Variants in OTULIN observed in about 807,000 individuals in gnomAD.
OTULIN encodes the protein ubiquitin thioesterase otulin.
OTULIN carries 15 observed loss-of-function variants against 39.6 expected under a neutral mutation model. That is an observed-to-expected ratio of 0.38 (90% CI 0.25 to 0.58). The LOEUF is 0.58. OTULIN is among the 20% of genes least tolerant of loss of function. The pLI is 0.66. For synonymous variants in OTULIN, 156 were observed against 170.3 expected (o/e 0.92, Z 0.65); for missense variants, 319 against 445.9 (o/e 0.72, Z 2.56).
intron 2 of OTULIN, among the ~76,000 whole-genome samples, chr5:14,674,778 T>C (rs1736064254): frequency 6.6e-6 from 1 of 152,046 alleles, no homozygotes; most frequent in Non-Finnish European, 1.5e-5. Flanking sequence ...AATAAAAATA[T>C]AAACCTTATT....
chr5:14,704,887 A>G, the OTULIN span: 1 of 152,220 alleles, frequency 6.6e-6, no homozygotes, highest in East Asian at 1.9e-4. Flanking sequence ...AAATCCATAA[A>G]CCCTGAAACA....
rs1202347291 is a variant in OTULIN, at chr5:14,690,427, T to C, written c.864+119T>C. ...GACAGCTTAGTTGGATGGTTCTGGCTCAGGATGTCATGAGGCTGCAGTTGT... is the reference window on the plus strand; with the variant it reads ...GACAGCTTAGTTGGATGGTTCTGGCCCAGGATGTCATGAGGCTGCAGTTGT... On this transcript the variant is annotated intron_variant, in intron 6 of 6. Coordinates refer to ENST00000284274, the MANE Select transcript of OTULIN (RefSeq NM_138348.6). The surrounding 1 kb of genome is among the most constrained non-coding windows in gnomAD (Gnocchi z 4.5). 4 of 1,232,288 alleles carry C rather than the reference T, an allele frequency of 3.2e-6. No homozygotes were observed. The highest frequency in any genetic ancestry group is 2.2e-4 in the Middle Eastern group (1 of 4,478). 76.3% of individuals were successfully genotyped at this position (1,232,288 alleles called of 1,614,324 possible).
At position 14,674,209 on chromosome 5, in the gene OTULIN, A is replaced by G. The variant is rs58155328; in HGVS notation, c.229+491A>G. 4.8e-3 allele frequency: 734 copies of G among 153,914 alleles called. 18 individuals are homozygous for G. The highest frequency in any genetic ancestry group is 0.036 in the East Asian group (190 of 5,222). The allele number at this position is 153,914 out of a possible 1,614,324, so 9.5% of individuals were successfully genotyped here. A position where few individuals can be genotyped will look rare whatever the true frequency, so the allele number is the denominator to read the frequency against. Reference sequence around the variant, plus strand: ...GTCTGTGTTTTTCTTGTCTTGCCTGATCTTACCCCAACCAGGACCCATTGC... The same window carrying G: ...GTCTGTGTTTTTCTTGTCTTGCCTGGTCTTACCCCAACCAGGACCCATTGC... On this transcript the variant is annotated intron_variant, in intron 2 of 6. Transcript: ENST00000284274.
the OTULIN span, among the ~76,000 whole-genome samples, chr5:14,716,126 G>A: frequency 2.6e-5 from 4 of 152,306 alleles, no homozygotes; most frequent in Admixed American, 6.5e-5. Context: ...ACAGAGGGCC[G>A]TTTTATTGTC....
At chr5:14,665,981 G>A (rs1021652312) in intron 1 of OTULIN, among the ~76,000 whole-genome samples, 34 of 152,194 alleles carry the variant, frequency 2.2e-4, no homozygotes, top group Non-Finnish European at 1.5e-5. Context: ...GAGATTGGAG[G>A]GGAGAAATAT....
rs908021922 is a variant in OTULIN at position 14,694,358 on chromosome 5, C to T, written c.*1310C>T. The T allele has an allele frequency of 2.6e-5, 4 of 152,226 alleles. No homozygotes were observed. Among genetic ancestry groups the T allele is most frequent in the Admixed American group, 2.6e-4 (4 of 15,282 alleles). 9.4% of individuals were successfully genotyped at this position (152,226 alleles called of 1,614,324 possible). Reference sequence around the variant, plus strand: ...GGTCTGCCTTATGGCCTGAATTGTCCTCAAGGGGTGTGGACTGCAGATGGT... The same window carrying T: ...GGTCTGCCTTATGGCCTGAATTGTCTTCAAGGGGTGTGGACTGCAGATGGT... On this transcript the variant is annotated 3_prime_UTR_variant, in exon 7 of 7. Transcript: ENST00000284274.
Position 14,698,791 on chromosome 5 carries a change from G to A in OTULIN, c.*5743G>A, listed in dbSNP as rs1736737689. 1 of 152,268 alleles carries A rather than the reference G, an allele frequency of 6.6e-6. No individual in the cohort carries two copies. Among genetic ancestry groups the A allele is most frequent in the Non-Finnish European group, 1.5e-5 (1 of 68,088 alleles). The allele number at this position is 152,268 out of a possible 1,614,324, so 9.4% of individuals were successfully genotyped here. ...GGGTTTAGGGAGGCAGTATTGGGCA[G>A]TGTGGAAGAGTTAGATGAGATGAAG... On this transcript the variant is annotated 3_prime_UTR_variant, in exon 7 of 7. Transcript: ENST00000284274.
the OTULIN span, chr5:14,706,545 A>G: frequency 6.6e-6 from 1 of 152,216 alleles, no homozygotes; most frequent in South Asian, 2.1e-4. Flanking sequence ...TTTTGAGATC[A>G]GATAGTATAC....
chr5:14,682,161 G>C (rs1201323108), intron 4 of OTULIN, among the ~76,000 whole-genome samples: 1 of 152,222 alleles, frequency 6.6e-6, no homozygotes, highest in East Asian at 1.9e-4. Context: ...ACATGCACTG[G>C]AAAGTCATGT....
rs1200910720 is a variant in OTULIN, at chr5:14,694,381, G to A, written c.*1333G>A. ...TCCTCAAGGGGTGTGGACTGCAGAT[G>A]GTGTTCACATGAACCGGAGACATCA... On this transcript the variant is annotated 3_prime_UTR_variant, in exon 7 of 7. Coordinates refer to ENST00000284274, the MANE Select transcript of OTULIN (RefSeq NM_138348.6). The A allele has an allele frequency of 1.3e-5, 2 of 152,170 alleles. No homozygotes were observed. Among genetic ancestry groups the A allele is most frequent in the Non-Finnish European group, 2.9e-5 (2 of 68,034 alleles). The allele number at this position is 152,170 out of a possible 1,614,324, so 9.4% of individuals were successfully genotyped here. A position where few individuals can be genotyped will look rare whatever the true frequency, so the allele number is the denominator to read the frequency against.
At chr5:14,712,462 G>A in the OTULIN span, among the ~76,000 whole-genome samples, 1 of 152,254 alleles carries the variant, frequency 6.6e-6, no homozygotes. Context: ...CAGAGAGGCT[G>A]CCCGAGCTCC....
chr5:14,666,075 C>G (rs963475343), intron 1 of OTULIN, among the ~76,000 whole-genome samples: 6 of 152,218 alleles, frequency 3.9e-5, no homozygotes, highest in Admixed American at 3.9e-4. Flanking sequence ...CTCCACGGCC[C>G]GTGCTGGTTC....
rs992673055 is a variant in OTULIN at position 14,677,143 on chromosome 5, T to A, written c.230-1538T>A. Reference sequence around the variant, plus strand: ...GAGTTTACTTAAAAAATTTTTTTTTTAAATTTACCTAAACTGCAAGGAGGA... The same window carrying A: ...GAGTTTACTTAAAAAATTTTTTTTTAAAATTTACCTAAACTGCAAGGAGGA... On this transcript the variant is annotated intron_variant, in intron 2 of 6. Transcript: ENST00000284274. 5.3e-5 allele frequency among the ~76,000 whole-genome samples: 8 copies of A among 152,322 alleles called. No homozygotes were observed. The East Asian group carries it at 7.7e-4, about 15-fold the overall frequency.
rs1736678477 is a variant in OTULIN, at chr5:14,696,678, T to C, written c.*3630T>C. On this transcript the variant is annotated 3_prime_UTR_variant, in exon 7 of 7. Transcript: ENST00000284274. ...CTCCTGTGCTTAAGTTATAGAAGAA[T>C]AAAAATCTGAATGAATGGAAGGCCT... 1 of 152,154 alleles carries C rather than the reference T, an allele frequency of 6.6e-6. No individual in the cohort carries two copies. Among genetic ancestry groups the C allele is most frequent in the African/African-American group, 2.4e-5 (1 of 41,418 alleles). 9.4% of individuals were successfully genotyped at this position (152,154 alleles called of 1,614,324 possible). A position where few individuals can be genotyped will look rare whatever the true frequency, so the allele number is the denominator to read the frequency against.
At chr5:14,710,333 AGGAAAGGCGAG>A in the OTULIN span, 1 of 152,252 alleles carries the variant, frequency 6.6e-6, no homozygotes, top group African/African-American at 2.4e-5. Flanking sequence ...TGCGACCTTC[AGGAAAGGCGAG>A]GGAAAAGCAA....
intron 4 of OTULIN, among the ~76,000 whole-genome samples, chr5:14,685,320 C>T (rs1215583512): frequency 6.6e-6 from 1 of 152,194 alleles, no homozygotes; most frequent in Non-Finnish European, 1.5e-5. Context: ...AACAAAATGA[C>T]ACCTAAGCTA....
chr5:14,675,857 A>G (rs75107609), intron 2 of OTULIN, among the ~76,000 whole-genome samples: 2 of 152,316 alleles, frequency 1.3e-5, no homozygotes, highest in East Asian at 3.9e-4. Flanking sequence ...ATTTTTTTCC[A>G]CCTTGCCTGA....
chr5:14,712,900 C>T, the OTULIN span: 9 of 1,612,344 alleles, frequency 5.6e-6, no homozygotes, highest in Admixed American at 1.7e-5. Flanking sequence ...TAGCACGCAG[C>T]GATGGCGACC....
At chr5:14,670,149 G>T (rs978100640) in intron 1 of OTULIN, among the ~76,000 whole-genome samples, 1 of 152,194 alleles carries the variant, frequency 6.6e-6, no homozygotes, top group Non-Finnish European at 1.5e-5. Flanking sequence ...CAAAGAATGT[G>T]TGATCTGGTG....
Sources: allele counts gnomAD v4.1 joint callset (sites outside exome capture counted in the v4.1 genomes callset), GRCh38; gene constraint gnomAD v4.1.1; non-coding constraint Gnocchi (gnomAD v3.1); transcripts MANE v1.5; gene names NCBI Gene and HGNC (gene_info 2026-07-23, HGNC 2026-07-21).